ASCC3: variants seen among roughly 807,000 people sequenced by gnomAD.
ASCC3 encodes activating signal cointegrator 1 complex subunit 3.
A neutral mutation model predicts 256.3 loss-of-function variants in ASCC3; 158 were observed. That is an observed-to-expected ratio of 0.62 (90% CI 0.54 to 0.70). The LOEUF (loss-of-function observed/expected upper bound fraction) is 0.70, where lower values mean the gene tolerates loss of function less well. ASCC3 is among the 30% of genes least tolerant of loss of function. The pLI, the probability that ASCC3 is intolerant of heterozygous loss-of-function variation, is 0.00. For synonymous variants in ASCC3, 948 were observed against 883.4 expected, an observed-to-expected ratio of 1.07 and a Z score of -1.30; for missense variants, 2,259 against 2,626.0, an observed-to-expected ratio of 0.86 and a Z score of 3.05.
intron 1 of ASCC3, among the ~76,000 whole-genome samples, chr6:100,877,408 A>G (rs1453062108): frequency 6.6e-6 from 1 of 152,330 alleles, no homozygotes; most frequent in Admixed American, 6.5e-5. Flanking sequence ...AATAAATATT[A>G]AACAGTGAAT....
At chr6:100,831,958 T>G (rs1276480477) in intron 4 of ASCC3, among the ~76,000 whole-genome samples, 1 of 152,060 alleles carries the variant, frequency 6.6e-6, no homozygotes, top group Non-Finnish European at 1.5e-5. Flanking sequence ...TCACTAAAAA[T>G]TCCTCAGATA....
At chr6:100,704,782 A>G (rs1778507287) in intron 13 of ASCC3, among the ~76,000 whole-genome samples, 1 of 152,030 alleles carries the variant, frequency 6.6e-6, no homozygotes, top group South Asian at 2.1e-4. Flanking sequence ...ATTCCTTAAA[A>G]CTGAAGGTAG....
intron 10 of ASCC3, among the ~76,000 whole-genome samples, chr6:100,765,023 T>C (rs188478705): frequency 1.0e-3 from 152 of 152,164 alleles, no homozygotes; most frequent in African/African-American, 3.5e-3. Flanking sequence ...AAAGGTCACA[T>C]AGATGGAAGC....
At chr6:100,798,334 A>G (rs1769736347) in intron 8 of ASCC3, among the ~76,000 whole-genome samples, 1 of 152,052 alleles carries the variant, frequency 6.6e-6, no homozygotes, top group Non-Finnish European at 1.5e-5. Context: ...AAATTCTTAA[A>G]ACTACTTTAG....
intron 36 of ASCC3, among the ~76,000 whole-genome samples, chr6:100,570,633 A>C (rs955302819): frequency 6.6e-6 from 1 of 152,020 alleles, no homozygotes; most frequent in African/African-American, 2.4e-5. Context: ...CTCAACCTTT[A>C]GACCTCTGCT....
chr6:100,639,640 GGT>G (rs1775015355), intron 24 of ASCC3, among the ~76,000 whole-genome samples: 1 of 152,070 alleles, frequency 6.6e-6, no homozygotes, highest in South Asian at 2.1e-4. Flanking sequence ...AGATGTTCAT[GGT>G]ACTGTTTCAA....
At chr6:100,586,031 G>A (rs900487430) in intron 36 of ASCC3, among the ~76,000 whole-genome samples, 10 of 152,170 alleles carry the variant, frequency 6.6e-5, no homozygotes, top group Non-Finnish European at 2.9e-5. Context: ...GGGGTCAGGG[G>A]TCAGGGACCC....
chr6:100,539,410 A>G (rs1414088385), intron 37 of ASCC3, among the ~76,000 whole-genome samples: 1 of 152,156 alleles, frequency 6.6e-6, no homozygotes, highest in East Asian at 1.9e-4. Context: ...TGCAACAGAC[A>G]TTTTATGTTG....
chr6:100,858,464 C>T (rs1773066082), intron 3 of ASCC3: 1 of 593,420 alleles, frequency 1.7e-6, no homozygotes, highest in Admixed American at 6.4e-5. Context: ...ATAGCTACAG[C>T]TTATCAGATT....
At chr6:100,730,151 A>T (rs1582772647) in intron 10 of ASCC3, among the ~76,000 whole-genome samples, 1 of 151,904 alleles carries the variant, frequency 6.6e-6, no homozygotes. Flanking sequence ...GAAAAAAAAA[A>T]AATTAACTGG....
At chr6:100,523,620 T>C (rs1238135677) in intron 37 of ASCC3, among the ~76,000 whole-genome samples, 6 of 152,190 alleles carry the variant, frequency 3.9e-5, no homozygotes, top group Non-Finnish European at 5.9e-5. Flanking sequence ...ATGACTTGGA[T>C]ACACCACATG....
At chr6:100,586,735 C>A (rs1771710853) in intron 36 of ASCC3, among the ~76,000 whole-genome samples, 1 of 152,068 alleles carries the variant, frequency 6.6e-6, no homozygotes, top group Non-Finnish European at 1.5e-5. Context: ...GGCTCCTCCC[C>A]CTACATCAGA....
At chr6:100,637,553 C>T (rs1467733078) in intron 25 of ASCC3, among the ~76,000 whole-genome samples, 6 of 151,918 alleles carry the variant, frequency 3.9e-5, no homozygotes, top group African/African-American at 1.2e-4. Flanking sequence ...TTCATAAGAC[C>T]GTAGATAGTG....
At chr6:100,681,885 G>A (rs73502936) in intron 13 of ASCC3, among the ~76,000 whole-genome samples, 38 of 152,092 alleles carry the variant, frequency 2.5e-4, no homozygotes, top group African/African-American at 8.9e-4. Context: ...TAGCTTTCAT[G>A]GGCAAACATC....
chr6:100,634,436 T>A (rs962031516), intron 25 of ASCC3, among the ~76,000 whole-genome samples: 1 of 152,188 alleles, frequency 6.6e-6, no homozygotes, highest in Non-Finnish European at 1.5e-5. Flanking sequence ...TACCATCAGG[T>A]TGCAGGCATC....
chr6:100,527,869 C>T (rs1441518760), intron 37 of ASCC3, among the ~76,000 whole-genome samples: 4 of 150,762 alleles, frequency 2.7e-5, no homozygotes, highest in Non-Finnish European at 5.9e-5. Context: ...GATGGCATCT[C>T]GCTCTGTCAC....
intron 30 of ASCC3, among the ~76,000 whole-genome samples, chr6:100,617,845 C>T (rs1045511396): frequency 5.3e-5 from 8 of 152,320 alleles, no homozygotes; most frequent in Non-Finnish European, 1.0e-4. Context: ...GAGAATCCCT[C>T]AGGGCCTGCC....
chr6:100,782,974 T>C (rs775834216), intron 8 of ASCC3, among the ~76,000 whole-genome samples: 2 of 151,940 alleles, frequency 1.3e-5, no homozygotes, highest in African/African-American at 4.8e-5. Context: ...TATGTAAAGG[T>C]TGCTAGTTTT....
intron 14 of ASCC3, among the ~76,000 whole-genome samples, chr6:100,667,212 A>G (rs1389446284): frequency 1.3e-5 from 2 of 152,186 alleles, no homozygotes; most frequent in African/African-American, 4.8e-5. Context: ...TGATCAAAGA[A>G]GTCTTTACAG....
Sources: allele counts gnomAD v4.1 joint callset (sites outside exome capture counted in the v4.1 genomes callset), GRCh38; gene constraint gnomAD v4.1.1; transcripts MANE v1.5; gene names NCBI Gene and HGNC (gene_info 2026-07-23, HGNC 2026-07-21).